The following CRTC3 variants were observed in gnomAD, a reference collection of about 807,000 sequenced individuals.
CRTC3 encodes the protein CREB regulated transcription coactivator 3.
A neutral mutation model predicts 74.5 loss-of-function variants in CRTC3; 26 were observed. The observed-to-expected ratio is 0.35, with a 90% CI of 0.26 to 0.48. The LOEUF is 0.48. Ranked by LOEUF, CRTC3 falls within the 20% of genes least tolerant of loss-of-function variation. CRTC3 has a pLI of 0.99. For synonymous variants in CRTC3, 377 were observed against 325.8 expected, an observed-to-expected ratio of 1.16 and a Z score of -1.69; for missense variants, 760 against 787.3, an observed-to-expected ratio of 0.97 and a Z score of 0.41.
At chr15:90,556,987 T>TATATAC (rs1555447333) in intron 2 of CRTC3, among the ~76,000 whole-genome samples, 30 of 144,402 alleles carry the variant, frequency 2.1e-4, no homozygotes, top group South Asian at 1.1e-3. Context: ...TATATATATA[T>TATATAC]ATATATATAT....
chr15:90,565,048 T>G (rs2040759512), intron 2 of CRTC3, among the ~76,000 whole-genome samples: 1 of 152,216 alleles, frequency 6.6e-6, no homozygotes, highest in African/African-American at 2.4e-5. Context: ...GTTCAAGCGA[T>G]TCTCCTGCCA....
At chr15:90,577,008 G>C (rs1318563486) in intron 2 of CRTC3, among the ~76,000 whole-genome samples, 2 of 147,114 alleles carry the variant, frequency 1.4e-5, no homozygotes, top group African/African-American at 5.1e-5. Flanking sequence ...TTACGTGGGA[G>C]AGGCTGGGCC....
chr15:90,634,814 C>G (rs1430263212), intron 11 of CRTC3: 3 of 1,472,064 alleles, frequency 2.0e-6, no homozygotes, highest in South Asian at 2.3e-5. Context: ...CCAAAGGAGG[C>G]ATTTTGCTTC....
chr15:90,550,999 G>T (rs542967002), intron 2 of CRTC3, among the ~76,000 whole-genome samples: 57 of 152,234 alleles, frequency 3.7e-4, no homozygotes, highest in Admixed American at 1.3e-3. Flanking sequence ...GCAGAACAAT[G>T]AGATGAACAA....
At chr15:90,585,799 C>G (rs1364392560) in intron 2 of CRTC3, among the ~76,000 whole-genome samples, 1 of 152,192 alleles carries the variant, frequency 6.6e-6, no homozygotes, top group Non-Finnish European at 1.5e-5. Flanking sequence ...TCACCTACTG[C>G]AAGCTGGAAA....
At chr15:90,598,880 G>C (rs1389824434) in intron 3 of CRTC3, 1 of 214,896 alleles carries the variant, frequency 4.7e-6, no homozygotes, top group Non-Finnish European at 9.5e-6. Flanking sequence ...ACGGGCACTG[G>C]CCCTGAGGCT....
chr15:90,578,071 A>T (rs1211802097), intron 2 of CRTC3, among the ~76,000 whole-genome samples: 2 of 152,018 alleles, frequency 1.3e-5, no homozygotes, highest in African/African-American at 4.8e-5. Flanking sequence ...GTGCGCCACC[A>T]GGTCCAGCTA....
At chr15:90,547,419 A>G (rs1399743522) in intron 2 of CRTC3, among the ~76,000 whole-genome samples, 1 of 152,184 alleles carries the variant, frequency 6.6e-6, no homozygotes, top group Non-Finnish European at 1.5e-5. Context: ...TCTTACTACA[A>G]CATTGGTTGG....
At chr15:90,571,792 G>A (rs1341700487) in intron 2 of CRTC3, among the ~76,000 whole-genome samples, 1 of 152,108 alleles carries the variant, frequency 6.6e-6, no homozygotes, top group African/African-American at 2.4e-5. Context: ...GGAAGTATAT[G>A]CAAGCGTGTG....
chr15:90,637,658 C>CTTCCAGTCTCCTGG (rs1449172507), intron 11 of CRTC3, among the ~76,000 whole-genome samples: 2 of 152,176 alleles, frequency 1.3e-5, no homozygotes, highest in African/African-American at 4.8e-5. Context: ...AAAGTAGAAC[C>CTTCCAGTCTCCTGG]TTCCAGTCTC....
intron 2 of CRTC3, among the ~76,000 whole-genome samples, chr15:90,546,404 A>C (rs1052693214): frequency 6.6e-6 from 1 of 151,934 alleles, no homozygotes; most frequent in Admixed American, 6.6e-5. Context: ...TTTGTCTATC[A>C]TTTTGCTAAT....
At position 90,644,085 on chromosome 15, in the gene CRTC3, C is replaced by T. The variant is rs993584422; in HGVS notation, c.*1945C>T. 4.3e-6 allele frequency: 1 copy of T among 230,534 alleles called. No individual in the cohort carries two copies. The highest frequency in any genetic ancestry group is 8.6e-6 in the Non-Finnish European group (1 of 116,332). The allele number at this position is 230,534 out of a possible 1,614,324, so 14.3% of individuals were successfully genotyped here. On this transcript the variant is annotated 3_prime_UTR_variant, in exon 15 of 15. Coordinates refer to ENST00000268184, the MANE Select transcript of CRTC3 (RefSeq NM_022769.5). The stretch of plus-strand genomic sequence containing the variant: ...CCAAGTATTCCTGTTTCACATTTGC[C>T]CCAAATCTTTGCTGTGGAATTGGGA...
chr15:90,575,177 C>A (rs553195563), intron 2 of CRTC3, among the ~76,000 whole-genome samples: 9 of 152,234 alleles, frequency 5.9e-5, no homozygotes, highest in South Asian at 2.1e-4. Context: ...GAGTGAAACC[C>A]CCGTCTCTGC....
At chr15:90,548,896 C>T (rs779871800) in intron 2 of CRTC3, among the ~76,000 whole-genome samples, 48 of 152,292 alleles carry the variant, frequency 3.2e-4, no homozygotes, top group African/African-American at 1.2e-3. Flanking sequence ...TAAAGAGTTA[C>T]ACCATTAACA....
chr15:90,589,768 C>G (rs918723487), intron 2 of CRTC3, among the ~76,000 whole-genome samples: 1 of 152,302 alleles, frequency 6.6e-6, no homozygotes, highest in Admixed American at 6.5e-5. Flanking sequence ...ATGTGGATCA[C>G]TTGAGGTCAG....
At chr15:90,555,496 GTTCTTTTTCTTTT>G (rs756382183) in intron 2 of CRTC3, among the ~76,000 whole-genome samples, 6 of 152,044 alleles carry the variant, frequency 3.9e-5, no homozygotes, top group Admixed American at 6.6e-5. Context: ...TAACTCTAGT[GTTCTTTTTCTTTT>G]TTCTTTTTCT....
chr15:90,580,540 G>A (rs1199086390), intron 2 of CRTC3, among the ~76,000 whole-genome samples: 1 of 151,378 alleles, frequency 6.6e-6, no homozygotes, highest in East Asian at 1.9e-4. Context: ...CGATTCTCCT[G>A]CCTTAGATTC....
chr15:90,634,393 G>A (rs1329792467), intron 11 of CRTC3, among the ~76,000 whole-genome samples: 3 of 152,170 alleles, frequency 2.0e-5, no homozygotes, highest in Admixed American at 6.5e-5. Context: ...GATTACAGGC[G>A]TGAGCCAGCA....
intron 2 of CRTC3, among the ~76,000 whole-genome samples, chr15:90,560,702 C>T (rs1966992937): frequency 6.6e-6 from 1 of 152,206 alleles, no homozygotes; most frequent in South Asian, 2.1e-4. Context: ...GGAATGAGAG[C>T]AGCGCCCAGA....
Sources: allele counts gnomAD v4.1 joint callset (sites outside exome capture counted in the v4.1 genomes callset), GRCh38; gene constraint gnomAD v4.1.1; transcripts MANE v1.5; gene names NCBI Gene and HGNC (gene_info 2026-07-23, HGNC 2026-07-21).